The following CHST15 variants were observed in gnomAD, a reference collection of about 807,000 sequenced individuals.
CHST15 encodes the protein carbohydrate sulfotransferase 15.
CHST15 carries 30 observed loss-of-function variants against 53.6 expected under a neutral mutation model. The ratio of observed to expected loss-of-function variants is 0.56; its 90% CI spans 0.42 to 0.76. The LOEUF (loss-of-function observed/expected upper bound fraction) is 0.76, where lower values mean the gene tolerates loss of function less well. Ranked by LOEUF, CHST15 falls within the 30% of genes least tolerant of loss-of-function variation. The probability of loss-of-function intolerance (pLI) is 0.00; values close to 1 mark genes in which losing one functional copy is unlikely to be tolerated. For missense variants in CHST15, 627 were observed against 740.5 expected, an observed-to-expected ratio of 0.85 and a Z score of 1.78; for synonymous variants, 296 against 289.8, an observed-to-expected ratio of 1.02 and a Z score of -0.22.
chr10:124,055,344 A>G (rs1285025342), intron 1 of CHST15, among the ~76,000 whole-genome samples: 2 of 152,014 alleles, frequency 1.3e-5, no homozygotes, highest in East Asian at 3.9e-4. Flanking sequence ...GAGCCCACGT[A>G]AGAGCTCACA....
intron 1 of CHST15, among the ~76,000 whole-genome samples, chr10:124,071,956 C>A (rs1172746286): frequency 6.6e-6 from 1 of 152,240 alleles, no homozygotes; most frequent in Non-Finnish European, 1.5e-5. Context: ...CTGCACGAGG[C>A]TGCTCAGGCC....
rs889390588 is a variant in CHST15 at position 124,024,827 on chromosome 10, T to A, written c.1191-3415A>T. Among the ~76,000 whole-genome samples, 1 of 152,130 alleles carries A rather than the reference T, an allele frequency of 6.6e-6. No homozygotes were observed. Among genetic ancestry groups the A allele is most frequent in the Admixed American group, 6.5e-5 (1 of 15,278 alleles). ...GCCAGGTGGCAATTGGTCTGAGGGG[T>A]ACCCTTCCTGGCTCACACATTTCCT... On this transcript the variant is annotated intron_variant, in intron 5 of 7. Transcript: ENST00000435907. The surrounding 1 kb of genome is among the most constrained non-coding windows in gnomAD (Gnocchi z 4.0).
chr10:124,064,531 A>G (rs1948691804), intron 1 of CHST15, among the ~76,000 whole-genome samples: 2 of 152,088 alleles, frequency 1.3e-5, no homozygotes, highest in African/African-American at 4.8e-5. Context: ...AGACACCACG[A>G]GATCATGAAA....
chr10:124,039,583 G>C (rs959109999), intron 4 of CHST15, among the ~76,000 whole-genome samples: 1 of 152,236 alleles, frequency 6.6e-6, no homozygotes, highest in African/African-American at 2.4e-5. Flanking sequence ...CTGGGTGAAC[G>C]GGAACTGGGT....
At chr10:124,011,598 C>T (rs1217255198) in intron 7 of CHST15, 1 of 985,334 alleles carries the variant, frequency 1.0e-6, no homozygotes, top group African/African-American at 1.7e-5. Context: ...CAAGCCATCC[C>T]TCGGTGCCCC....
chr10:124,012,342 G>A lies in CHST15; in HGVS notation c.1486C>T (p.Leu496=), dbSNP rs1014276306. The A allele has an allele frequency of 7.4e-6, 12 of 1,613,846 alleles. No homozygotes were observed. The highest frequency in any genetic ancestry group is 6.8e-6 in the Non-Finnish European group (8 of 1,179,826). ...KYTMHKVFQF[L]NLGPLSEKQE... is the part of the protein sequence containing the mutation. ...AGCACCACACTCATACCTAGGTTCAGAAACTGGAAGACCTTGTGCATGGTG... is the reference window on the plus strand; with the variant it reads ...AGCACCACACTCATACCTAGGTTCAAAAACTGGAAGACCTTGTGCATGGTG... The change falls in exon 7 of 8, where the codon CTG becomes TTG. Residue 496 remains leucine (L), a synonymous_variant. Coordinates refer to ENST00000435907, the MANE Select transcript of CHST15 (RefSeq NM_001270764.2).
intron 6 of CHST15, among the ~76,000 whole-genome samples, chr10:124,012,775 G>A (rs1946457136): frequency 6.6e-6 from 1 of 152,198 alleles, no homozygotes; most frequent in Admixed American, 6.5e-5. Flanking sequence ...GGTCAAGGTT[G>A]TGGCCACCAA....
intron 1 of CHST15, among the ~76,000 whole-genome samples, chr10:124,064,102 T>C (rs1340667702): frequency 6.6e-6 from 1 of 152,150 alleles, no homozygotes; most frequent in Non-Finnish European, 1.5e-5. Context: ...TCTCATAAGA[T>C]CTGGAAAGAA....
intron 1 of CHST15, among the ~76,000 whole-genome samples, chr10:124,091,822 A>G (rs893779621): frequency 1.9e-4 from 29 of 152,050 alleles, no homozygotes; most frequent in Non-Finnish European, 4.0e-4. Context: ...ACTTCCCTAC[A>G]CTGGGCGCGG....
chr10:124,060,905 G>A (rs1948551278), intron 1 of CHST15, among the ~76,000 whole-genome samples: 1 of 152,146 alleles, frequency 6.6e-6, no homozygotes, highest in South Asian at 2.1e-4. Flanking sequence ...GAGAAGCACT[G>A]GTGTAGGGAG....
chr10:124,010,439 T>C, intron 7 of CHST15, 100 bp from the exon 8 acceptor site: 1 of 1,436,240 alleles, frequency 7.0e-7, no homozygotes, highest in Non-Finnish European at 9.1e-7. Flanking sequence ...CAGACAGGAG[T>C]TTCCTTTAAG....
rs551197330 is a variant in CHST15, at chr10:124,076,593, C to T, written c.-513+16876G>A. 6.6e-5 allele frequency among the ~76,000 whole-genome samples: 10 copies of T among 152,352 alleles called. 1 individual carries two copies. In the South Asian group the frequency reaches 2.1e-3, roughly 32 times the overall value. On this transcript the variant is annotated intron_variant, in intron 1 of 7. Transcript: ENST00000435907. ...ACATTGGTCTAGGATCAGCATCCTA[C>T]AAGATCCCAGAGCCAACTCCAAGGG... is the stretch of plus-strand genomic sequence containing the variant.
Position 124,044,671 on chromosome 10 carries a change from C to A in CHST15, c.795G>T (p.Gly265=). Residue 265 remains glycine, a synonymous_variant, in exon 3 of 8, where the codon GGG becomes GGT. Transcript: ENST00000435907. ...GCAGGCGGTCATAGAGGTCTGTGGT[C>A]CCGCACTTGGGCTGCCCTATGATGT... is the stretch of plus-strand genomic sequence containing the variant. ...HFYIIGQPKC[G]TTDLYDRLRL... 1 of 1,613,392 alleles carries A rather than the reference C, an allele frequency of 6.2e-7. No individual in the cohort carries two copies. The highest frequency in any genetic ancestry group is 1.1e-5 in the South Asian group (1 of 91,030).
At chr10:124,056,795 G>A (rs1209383243) in intron 1 of CHST15, among the ~76,000 whole-genome samples, 2 of 151,600 alleles carry the variant, frequency 1.3e-5, no homozygotes, top group African/African-American at 4.9e-5. Flanking sequence ...CGCGGCCCAG[G>A]CCCGTACAAC....
chr10:124,030,207 C>G (rs906885261), intron 5 of CHST15, among the ~76,000 whole-genome samples: 1 of 152,188 alleles, frequency 6.6e-6, no homozygotes, highest in Non-Finnish European at 1.5e-5. Flanking sequence ...GTCCTTCTGG[C>G]CTGGGCGCTG....
At position 124,093,578 on chromosome 10, in the gene CHST15, G is replaced by C. The variant is rs1949676505; in HGVS notation, c.-622C>G. 6.6e-6 allele frequency: 1 copy of C among 152,254 alleles called. No individual in the cohort carries two copies. Among genetic ancestry groups the C allele is most frequent in the Non-Finnish European group, 1.5e-5 (1 of 68,076 alleles). 9.4% of individuals were successfully genotyped at this position (152,254 alleles called of 1,614,324 possible). ...CCAGGGCGCGTCAACCTGACTCCCC[G>C]AGCGCTGGGAGGAAAAGTTTGGGAG... On this transcript the variant is annotated 5_prime_UTR_variant, in exon 1 of 8. Coordinates refer to ENST00000435907, the MANE Select transcript of CHST15 (RefSeq NM_001270764.2).
chr10:124,044,121 G>A (rs368579302), intron 3 of CHST15, among the ~76,000 whole-genome samples: 2 of 140,866 alleles, frequency 1.4e-5, no homozygotes, highest in Non-Finnish European at 3.0e-5. Flanking sequence ...GCAGAGGAAC[G>A]GCACAGAGCA....
rs376627661 is a variant in CHST15, at chr10:124,042,451, T to C, written c.887-4A>G. On this transcript the variant is annotated splice_polypyrimidine_tract_variant and splice_region_variant and intron_variant, in intron 3 of 7. Coordinates refer to ENST00000435907, the MANE Select transcript of CHST15 (RefSeq NM_001270764.2). ...CCATCTCTTAGGCGGACGATTCCTA[T>C]GAGAACCAAGAAGCAGGAGATACTG... 8 of 1,613,538 alleles carry C rather than the reference T, an allele frequency of 5.0e-6. No individual in the cohort carries two copies. The African/African-American group carries it at 9.3e-5, about 19-fold the overall frequency.
At chr10:124,088,194 G>C (rs1284085950) in intron 1 of CHST15, among the ~76,000 whole-genome samples, 1 of 152,208 alleles carries the variant, frequency 6.6e-6, no homozygotes, top group Non-Finnish European at 1.5e-5. Flanking sequence ...TCAAGCCAGG[G>C]GGCGAAGTCT....
Sources: gnomAD v4.1 joint callset for allele counts (sites outside exome capture counted in the v4.1 genomes callset) on GRCh38, gnomAD v4.1.1 for gene constraint, Gnocchi (gnomAD v3.1) non-coding constraint, MANE v1.5 for transcripts, NCBI Gene and HGNC (gene_info 2026-07-23, HGNC 2026-07-21) for gene names.